Variants in SCAF8 observed in about 807,000 individuals in gnomAD.
The protein encoded by SCAF8 is SR-related and CTD-associated factor 8.
SCAF8 carries 23 observed loss-of-function variants against 140.5 expected under a neutral mutation model. The observed-to-expected ratio is 0.16, with a 90% CI of 0.12 to 0.23. The LOEUF is 0.23. Among genes scored for constraint, SCAF8 ranks in the 10% least tolerant of loss-of-function variants. The probability of loss-of-function intolerance (pLI) is 1.00; values close to 1 mark genes in which losing one functional copy is unlikely to be tolerated. For synonymous variants in SCAF8, 575 were observed against 528.9 expected, an observed-to-expected ratio of 1.09 and a Z score of -1.20; for missense variants, 1,397 against 1,555.7, an observed-to-expected ratio of 0.90 and a Z score of 1.72.
chr6:154,796,395 C>CTGTCTG (rs1777610795), intron 6 of SCAF8, among the ~76,000 whole-genome samples: 3 of 145,646 alleles, frequency 2.1e-5, no homozygotes, highest in East Asian at 2.0e-4. Context: ...CTCTCTCTGT[C>CTGTCTG]TCTCTCTTTT....
chr6:154,773,584 G>C (rs1776835262), intron 1 of SCAF8, among the ~76,000 whole-genome samples: 1 of 152,126 alleles, frequency 6.6e-6, no homozygotes, highest in Non-Finnish European at 1.5e-5. Context: ...TCATGTACAA[G>C]TTCTTTGTGA....
intron 1 of SCAF8, among the ~76,000 whole-genome samples, chr6:154,750,549 T>G (rs1488269575): frequency 6.6e-6 from 1 of 152,238 alleles, no homozygotes; most frequent in African/African-American, 2.4e-5. Flanking sequence ...TTTTAAATTC[T>G]GCCTATACAA....
At chr6:154,827,764 A>G (rs1380298003) in intron 18 of SCAF8, among the ~76,000 whole-genome samples, 1 of 134,078 alleles carries the variant, frequency 7.5e-6, no homozygotes, top group African/African-American at 2.7e-5. Context: ...TAGGATTGGT[A>G]TTATCTATCA....
chr6:154,767,971 C>T (rs149700723), intron 1 of SCAF8, among the ~76,000 whole-genome samples: 1 of 152,048 alleles, frequency 6.6e-6, no homozygotes, highest in Non-Finnish European at 1.5e-5. Flanking sequence ...AATGACTTAC[C>T]TTTTTCTCTA....
intron 1 of SCAF8, among the ~76,000 whole-genome samples, chr6:154,745,668 G>A (rs1367066114): frequency 1.3e-5 from 2 of 152,068 alleles, no homozygotes; most frequent in African/African-American, 4.8e-5. Flanking sequence ...AGTATCTTCT[G>A]GGGAGATACT....
Position 154,831,995 on chromosome 6 carries a change from G to A in SCAF8, c.2416G>A (p.Val806Met), listed in dbSNP as rs1469691418. Reference protein sequence around the residue: ...AAILGGQPPNVTSNSGILGVQ... With the variant: ...AAILGGQPPNMTSNSGILGVQ... ...AATTTTAGGAGGACAGCCGCCAAAT[G>A]TGACAAGCAATTCTGGAATTCTGGG... The change falls in exon 20 of 20, where the codon GTG becomes ATG. Residue 806 changes from valine (V) to methionine (M), a missense_variant. Transcript: ENST00000367178. The A allele has an allele frequency of 1.2e-6, 2 of 1,613,220 alleles. No homozygotes were observed. Among genetic ancestry groups the A allele is most frequent in the African/African-American group, 1.3e-5 (1 of 74,850 alleles).
At chr6:154,789,066 G>T (rs1313256811) in intron 4 of SCAF8, among the ~76,000 whole-genome samples, 2 of 151,984 alleles carry the variant, frequency 1.3e-5, no homozygotes, top group Non-Finnish European at 2.9e-5. Context: ...ATATAGTCTT[G>T]AATCAGAAAA....
At chr6:154,772,232 C>G (rs1372165807) in intron 1 of SCAF8, among the ~76,000 whole-genome samples, 1 of 152,124 alleles carries the variant, frequency 6.6e-6, no homozygotes, top group Non-Finnish European at 1.5e-5. Flanking sequence ...TTCTGATGGC[C>G]AAAGTTTAGT....
chr6:154,742,364 T>G (rs1192833306), intron 1 of SCAF8, among the ~76,000 whole-genome samples: 1 of 152,176 alleles, frequency 6.6e-6, no homozygotes, highest in Non-Finnish European at 1.5e-5. Context: ...AAAATACACC[T>G]TTTGAAGAAT....
At chr6:154,749,938 TAGGG>T (rs1479980320) in intron 1 of SCAF8, among the ~76,000 whole-genome samples, 1 of 151,986 alleles carries the variant, frequency 6.6e-6, no homozygotes, top group Non-Finnish European at 1.5e-5. Flanking sequence ...GTAATACTAA[TAGGG>T]AGAAGAGGAA....
chr6:154,740,019 CTG>C (rs1474300089), intron 1 of SCAF8, among the ~76,000 whole-genome samples: 8 of 152,168 alleles, frequency 5.3e-5, no homozygotes. Context: ...ACCAGGGAAT[CTG>C]TCTCTGGTTT....
At chr6:154,797,520 C>T (rs1369733893) in intron 6 of SCAF8, among the ~76,000 whole-genome samples, 3 of 151,374 alleles carry the variant, frequency 2.0e-5, no homozygotes, top group East Asian at 1.9e-4. Flanking sequence ...CTCAGCCTCC[C>T]GAGTAGCTGG....
intron 5 of SCAF8, among the ~76,000 whole-genome samples, chr6:154,793,895 T>C (rs886128651): frequency 1.8e-5 from 2 of 109,362 alleles, no homozygotes; most frequent in African/African-American, 4.1e-5. Context: ...TAATTTTGTA[T>C]GTATTTTGTG....
rs548128785 is a variant in SCAF8, at chr6:154,793,343, T to A, written c.475+367T>A. Among the ~76,000 whole-genome samples, 99 of 152,154 alleles carry A rather than the reference T, an allele frequency of 6.5e-4. 5 individuals carry two copies. The South Asian group carries it at 0.017, about 27-fold the overall frequency. On this transcript the variant is annotated intron_variant, in intron 5 of 19. Transcript: ENST00000367178. ...ATTTTTTAAGAAACCCTGAAACAAT[T>A]ATTTAACAAAACCAAAATTTCAAAA... is the stretch of plus-strand genomic sequence containing the variant.
intron 1 of SCAF8, among the ~76,000 whole-genome samples, chr6:154,769,234 C>G (rs1329775959): frequency 6.6e-6 from 1 of 152,022 alleles, no homozygotes; most frequent in Non-Finnish European, 1.5e-5. Context: ...AAGGAAGAGT[C>G]TTAGATAAGA....
In SCAF8 at chr6:154,831,988, G is replaced by A. The variant is rs1035672002; in HGVS notation, c.2409G>A (p.Pro803=). 11 of 1,612,372 alleles carry A rather than the reference G, an allele frequency of 6.8e-6. No individual in the cohort carries two copies. The highest frequency in any genetic ancestry group is 2.2e-5 in the East Asian group (1 of 44,836). The part of the protein sequence containing the change: ...SSNAAILGGQ[P]PNVTSNSGIL... ...ATGCTGCAATTTTAGGAGGACAGCC[G>A]CCAAATGTGACAAGCAATTCTGGAA... is the stretch of plus-strand genomic sequence containing the variant. The change falls in exon 20 of 20, where the codon CCG becomes CCA. Residue 803 remains proline, a synonymous_variant. Coordinates refer to ENST00000367178, the MANE Select transcript of SCAF8 (RefSeq NM_014892.5).
intron 1 of SCAF8, among the ~76,000 whole-genome samples, chr6:154,738,724 A>G (rs1778492311): frequency 6.6e-6 from 1 of 152,182 alleles, no homozygotes; most frequent in Admixed American, 6.5e-5. Flanking sequence ...ATTTCTTCCT[A>G]GTGAAAAGGG....
chr6:154,820,137 A>G (rs374955164), intron 14 of SCAF8, 40 bp from the exon 15 acceptor site: 36 of 1,493,030 alleles, frequency 2.4e-5, no homozygotes, highest in Non-Finnish European at 2.9e-5. Flanking sequence ...TATAGTATGT[A>G]TGTATAACCT....
rs568683851 is a variant in SCAF8 at position 154,826,211 on chromosome 6, T to G, written c.2072-961T>G. Among the ~76,000 whole-genome samples the G allele has an allele frequency of 2.5e-3, 374 of 152,258 alleles. 3 individuals carry two copies. Among genetic ancestry groups the G allele is most frequent in the African/African-American group, 8.3e-3 (346 of 41,574 alleles). On this transcript the variant is annotated intron_variant, in intron 17 of 19. Coordinates refer to ENST00000367178, the MANE Select transcript of SCAF8 (RefSeq NM_014892.5). ...TATTGAAAAGTTTAATTTTCTGTAT[T>G]TGTGATTTCAAAATTAAATATTTCA...
Sources: allele counts gnomAD v4.1 joint callset (sites outside exome capture counted in the v4.1 genomes callset), GRCh38; gene constraint gnomAD v4.1.1; transcripts MANE v1.5; gene names NCBI Gene and HGNC (gene_info 2026-07-23, HGNC 2026-07-21).